Variants in FCHO2 observed in about 807,000 individuals in gnomAD.
FCHO2 encodes FCH and mu domain containing endocytic adaptor 2.
In FCHO2, 43 loss-of-function variants were observed where a neutral mutation model predicts 114.1. That is an observed-to-expected ratio of 0.38 (90% CI 0.30 to 0.49). The LOEUF (loss-of-function observed/expected upper bound fraction) is 0.49, where lower values mean the gene tolerates loss of function less well. FCHO2 is among the 20% of genes least tolerant of loss of function. The probability of loss-of-function intolerance (pLI) is 0.97; values close to 1 mark genes in which losing one functional copy is unlikely to be tolerated. For missense variants in FCHO2, 807 were observed against 950.4 expected (o/e 0.85, Z 1.98); for synonymous variants, 293 against 315.2 (o/e 0.93, Z 0.75).
At chr5:73,087,354 G>C (rs1241056255) in intron 24 of FCHO2, among the ~76,000 whole-genome samples, 2 of 152,176 alleles carry the variant, frequency 1.3e-5, no homozygotes, top group Non-Finnish European at 2.9e-5. Flanking sequence ...GAGTCCAGTA[G>C]TTAACATCTC....
intron 2 of FCHO2, among the ~76,000 whole-genome samples, chr5:72,983,787 C>T (rs1200171793): frequency 6.6e-6 from 1 of 151,750 alleles, no homozygotes; most frequent in Non-Finnish European, 1.5e-5. Flanking sequence ...TCTTCTAGAT[C>T]TTTTGCTGTT....
chr5:72,993,245 AAT>A (rs1235653761), intron 5 of FCHO2, among the ~76,000 whole-genome samples: 2 of 152,074 alleles, frequency 1.3e-5, no homozygotes, highest in Admixed American at 1.3e-4. Context: ...GGAAATGAAA[AAT>A]AGAGTTATTG....
At chr5:73,030,885 G>C (rs1008539567) in intron 8 of FCHO2, among the ~76,000 whole-genome samples, 1 of 152,218 alleles carries the variant, frequency 6.6e-6, no homozygotes, top group African/African-American at 2.4e-5. Flanking sequence ...TACTCCTGAA[G>C]TGAAGTGTCA....
intron 5 of FCHO2, among the ~76,000 whole-genome samples, chr5:73,005,631 A>G (rs1272229062): frequency 1.3e-5 from 2 of 152,144 alleles, no homozygotes; most frequent in Admixed American, 1.3e-4. Context: ...GAGAATATCA[A>G]GCTTCTTGAT....
At chr5:73,007,916 G>A (rs866268060) in intron 6 of FCHO2, among the ~76,000 whole-genome samples, 7 of 152,166 alleles carry the variant, frequency 4.6e-5, no homozygotes, top group African/African-American at 1.4e-4. Flanking sequence ...GTTTAAAACT[G>A]GAACTTGAAG....
At chr5:73,004,897 A>G (rs1262702365) in intron 5 of FCHO2, among the ~76,000 whole-genome samples, 1 of 152,220 alleles carries the variant, frequency 6.6e-6, no homozygotes, top group African/African-American at 2.4e-5. Flanking sequence ...TATCATAGTT[A>G]TGTATGTATA....
At chr5:73,012,186 G>A (rs1210417632) in intron 6 of FCHO2, among the ~76,000 whole-genome samples, 1 of 152,114 alleles carries the variant, frequency 6.6e-6, no homozygotes, top group Admixed American at 6.5e-5. Flanking sequence ...TGAGTAATGC[G>A]TTGCACTACG....
chr5:72,959,381 G>A (rs1300808349), intron 1 of FCHO2, among the ~76,000 whole-genome samples: 2 of 152,022 alleles, frequency 1.3e-5, no homozygotes, highest in Non-Finnish European at 2.9e-5. Context: ...GGTGGCATAT[G>A]CCTGTAGTCC....
intron 10 of FCHO2, among the ~76,000 whole-genome samples, chr5:73,038,398 C>G (rs567194245): frequency 6.6e-6 from 1 of 152,240 alleles, no homozygotes; most frequent in African/African-American, 2.4e-5. Context: ...ATCTTTCTTT[C>G]AATGATTACT....
chr5:73,040,858 T>C (rs879715059), intron 10 of FCHO2, among the ~76,000 whole-genome samples: 1 of 152,038 alleles, frequency 6.6e-6, no homozygotes, highest in Non-Finnish European at 1.5e-5. Context: ...TAATACTGAC[T>C]TTTTTTTAAA....
chr5:73,007,709 T>C (rs1378187568), intron 6 of FCHO2, among the ~76,000 whole-genome samples: 5 of 152,196 alleles, frequency 3.3e-5, no homozygotes, highest in Non-Finnish European at 7.3e-5. Flanking sequence ...CATCTGTAAA[T>C]AAGACAAATA....
chr5:73,048,248 G>A (rs1429355323), intron 11 of FCHO2, among the ~76,000 whole-genome samples: 1 of 151,872 alleles, frequency 6.6e-6, no homozygotes, highest in Non-Finnish European at 1.5e-5. Flanking sequence ...CCAGGAGTTC[G>A]AGACCAGCCT....
At chr5:73,008,817 A>C (rs943069035) in intron 6 of FCHO2, among the ~76,000 whole-genome samples, 1 of 152,344 alleles carries the variant, frequency 6.6e-6, no homozygotes, top group African/African-American at 2.4e-5. Context: ...ATGCCACTAC[A>C]GATCCTGCTG....
intron 5 of FCHO2, among the ~76,000 whole-genome samples, chr5:72,991,250 G>C (rs370050731): frequency 2.7e-4 from 41 of 152,288 alleles, no homozygotes; most frequent in African/African-American, 9.6e-4. Context: ...TTTTAGTAGA[G>C]ATGGGGTTTC....
rs116509387 is a variant in FCHO2, at chr5:73,012,316, T to C, written c.601-3310T>C. ...GAAATGTCATTATGTGGCTCATGAC[T>C]ATACTTTTAAAAATTAATGTAACAG... On this transcript the variant is annotated intron_variant, in intron 6 of 25. Coordinates refer to ENST00000430046, the MANE Select transcript of FCHO2 (RefSeq NM_138782.3). Among the ~76,000 whole-genome samples, 1,056 of 152,246 alleles carry C rather than the reference T, an allele frequency of 6.9e-3. 7 individuals carry two copies. The highest frequency in any genetic ancestry group is 0.025 in the African/African-American group (1,032 of 41,550).
At chr5:72,979,612 C>T (rs941625139) in intron 2 of FCHO2, among the ~76,000 whole-genome samples, 2 of 151,008 alleles carry the variant, frequency 1.3e-5, no homozygotes, top group Non-Finnish European at 3.0e-5. Flanking sequence ...AGGATGGTCT[C>T]GATCTCCTGA....
At chr5:73,008,717 C>G (rs373958673) in intron 6 of FCHO2, among the ~76,000 whole-genome samples, 2 of 151,920 alleles carry the variant, frequency 1.3e-5, no homozygotes, top group East Asian at 1.9e-4. Flanking sequence ...TATTTGACAA[C>G]AAAACTTGAC....
intron 5 of FCHO2, chr5:72,997,578 C>T (rs1356593020): frequency 1.3e-5 from 17 of 1,329,716 alleles, no homozygotes; most frequent in Middle Eastern, 1.9e-4. Flanking sequence ...ATGCTGGATG[C>T]CCTCAGGTTC....
At chr5:73,051,037 A>G (rs1423003287) in intron 11 of FCHO2, 2 of 273,654 alleles carry the variant, frequency 7.3e-6, no homozygotes, top group Admixed American at 5.5e-5. Context: ...CTCATTTATA[A>G]CAGAAACTGT....
Sources: allele counts gnomAD v4.1 joint callset (sites outside exome capture counted in the v4.1 genomes callset), GRCh38; gene constraint gnomAD v4.1.1; transcripts MANE v1.5; gene names NCBI Gene and HGNC (gene_info 2026-07-23, HGNC 2026-07-21).